Variants in CDC42BPB observed in about 807,000 individuals in gnomAD.
CDC42BPB encodes serine/threonine-protein kinase MRCK beta.
In CDC42BPB, 37 loss-of-function variants were observed where a neutral mutation model predicts 214.9. That is an observed-to-expected ratio of 0.17 (90% confidence interval 0.13 to 0.23). The LOEUF is 0.23. CDC42BPB is among the 10% of genes least tolerant of loss of function. CDC42BPB has a pLI of 1.00. For synonymous variants in CDC42BPB, 931 were observed against 884.0 expected (o/e 1.05, Z -0.94); for missense variants, 1,694 against 2,227.0 (o/e 0.76, Z 4.82).
intron 5 of CDC42BPB, among the ~76,000 whole-genome samples, chr14:102,989,535 G>A (rs535516728): frequency 2.0e-4 from 31 of 152,258 alleles, no homozygotes; most frequent in Middle Eastern, 3.4e-3. Flanking sequence ...ATAAACTATG[G>A]TAGTTACCTA....
Position 102,950,547 on chromosome 14 carries a change from T to G in CDC42BPB, c.3228A>C (p.Pro1076=). The G allele has an allele frequency of 6.2e-7, 1 of 1,611,462 alleles. No homozygotes were observed. Among genetic ancestry groups the G allele is most frequent in the Non-Finnish European group, 8.5e-7 (1 of 1,179,028 alleles). Residue 1076 remains proline (P), a synonymous_variant, in exon 25 of 37, where the codon CCA becomes CCC. Transcript: ENST00000361246. ...SCKDGAPQVC[P]IPPEQSKRPL... ...GCCTCTTGGACTGCTCGGGAGGTAT[T>G]GGGCACACCTGGGGGGCACCGTCTT...
At chr14:103,020,610 C>A (rs1886717470) in intron 1 of CDC42BPB, among the ~76,000 whole-genome samples, 1 of 152,150 alleles carries the variant, frequency 6.6e-6, no homozygotes, top group African/African-American at 2.4e-5. Flanking sequence ...GGGGCCAGAG[C>A]AGCACCCCAG....
At position 102,968,240 on chromosome 14, in the gene CDC42BPB, T is replaced by C; in HGVS notation, c.2346+13A>G. The C allele has an allele frequency of 6.3e-7, 1 of 1,598,070 alleles. No individual in the cohort carries two copies. Among genetic ancestry groups the C allele is most frequent in the South Asian group, 1.1e-5 (1 of 90,118 alleles). On this transcript the variant is annotated intron_variant, in intron 16 of 36. Coordinates refer to ENST00000361246, the MANE Select transcript of CDC42BPB (RefSeq NM_006035.4). ...CACACAAAGTGCTAACTCAGGTACTTTGAATTAATTACCTTTTCATTTTCA... is the reference window on the plus strand; with the variant it reads ...CACACAAAGTGCTAACTCAGGTACTCTGAATTAATTACCTTTTCATTTTCA...
chr14:102,993,120 G>T (rs979756182), intron 5 of CDC42BPB, among the ~76,000 whole-genome samples: 3 of 152,128 alleles, frequency 2.0e-5, no homozygotes, highest in African/African-American at 7.2e-5. Context: ...GTGAGCCACT[G>T]CACCTGGCCC....
chr14:102,973,769 C>T (rs546030854), intron 12 of CDC42BPB, among the ~76,000 whole-genome samples: 98 of 152,294 alleles, frequency 6.4e-4, no homozygotes, highest in African/African-American at 1.8e-3. Flanking sequence ...GGTGGATAAC[C>T]GCTGGGGGCA....
intron 19 of CDC42BPB, among the ~76,000 whole-genome samples, chr14:102,964,211 G>A (rs1209101005): frequency 1.3e-5 from 2 of 152,188 alleles, no homozygotes; most frequent in Admixed American, 6.5e-5. Flanking sequence ...TGTGAGTCTC[G>A]CTACCCAGCG....
intron 6 of CDC42BPB, among the ~76,000 whole-genome samples, chr14:102,985,333 C>T (rs925970293): frequency 2.8e-5 from 4 of 145,038 alleles, no homozygotes; most frequent in East Asian, 2.1e-4. Flanking sequence ...CTGGTTATAC[C>T]GTGACAGGGT....
chr14:102,942,176 G>A (rs999216209), intron 30 of CDC42BPB, among the ~76,000 whole-genome samples: 15 of 152,306 alleles, frequency 9.8e-5, no homozygotes, highest in Admixed American at 9.1e-4. Flanking sequence ...CTGAGGCAGC[G>A]GGACTGGCCC....
chr14:103,051,092 T>C (rs116930500), intron 1 of CDC42BPB, among the ~76,000 whole-genome samples: 69 of 149,736 alleles, frequency 4.6e-4, no homozygotes, highest in African/African-American at 1.6e-3. Flanking sequence ...CCAACACAGA[T>C]TGTTTAAAAT....
At chr14:103,033,731 G>A (rs953247653) in intron 1 of CDC42BPB, among the ~76,000 whole-genome samples, 2 of 152,118 alleles carry the variant, frequency 1.3e-5, no homozygotes, top group Non-Finnish European at 2.9e-5. Flanking sequence ...ATAGAGGATG[G>A]CTGAGTGACA....
chr14:102,940,169 C>T lies in CDC42BPB; in HGVS notation c.4507-39G>A, dbSNP rs373589163. On this transcript the variant is annotated intron_variant, in intron 31 of 36. Coordinates refer to ENST00000361246, the MANE Select transcript of CDC42BPB (RefSeq NM_006035.4). ...CAGGGAGGGACAGTAAGCGCGGCCA[C>T]GCACAGACTGCACCGGGAGAAGCCC... is the stretch of plus-strand genomic sequence containing the variant. The T allele has an allele frequency of 1.8e-5, 29 of 1,613,840 alleles. 1 individual carries two copies. The South Asian group carries it at 2.0e-4, about 11-fold the overall frequency.
At chr14:102,988,504 T>A (rs1389199543) in intron 5 of CDC42BPB, among the ~76,000 whole-genome samples, 1 of 152,176 alleles carries the variant, frequency 6.6e-6, no homozygotes, top group Non-Finnish European at 1.5e-5. Flanking sequence ...AAGAGTGAGC[T>A]GTGATGAGGA....
chr14:102,959,534 G>T, intron 21 of CDC42BPB, 97 bp downstream of exon 21: 3 of 770,492 alleles, frequency 3.9e-6, no homozygotes, highest in Non-Finnish European at 6.5e-6. Flanking sequence ...ATATTTACTG[G>T]TGTGTTTGTG....
At chr14:103,022,177 A>G (rs1354201793) in intron 1 of CDC42BPB, among the ~76,000 whole-genome samples, 5 of 152,130 alleles carry the variant, frequency 3.3e-5, no homozygotes, top group Non-Finnish European at 5.9e-5. Context: ...GTGCAGAGAA[A>G]GCCAGGACTT....
In CDC42BPB at chr14:102,945,648, C is replaced by T; in HGVS notation, c.3811+14G>A. 4.3e-6 allele frequency: 7 copies of T among 1,611,876 alleles called. No homozygotes were observed. The highest frequency in any genetic ancestry group is 1.1e-5 in the South Asian group (1 of 91,064). On this transcript the variant is annotated intron_variant, in intron 29 of 36. Transcript: ENST00000361246. ...CCTGTGACATCCCAGGCTGGAAACG[C>T]CCTGCTCACTCACCATCTCGGGTGA...
rs1248313561 is a variant in CDC42BPB at position 102,951,844 on chromosome 14, A to G, written c.3172+654T>C. On this transcript the variant is annotated intron_variant, in intron 24 of 36. Transcript: ENST00000361246. ...CGAATGACGACCAGAAGCAGAGACAAATAATTGTGGTTATCTTTAGATAAT... is the reference window on the plus strand; with the variant it reads ...CGAATGACGACCAGAAGCAGAGACAGATAATTGTGGTTATCTTTAGATAAT... 3.9e-5 allele frequency among the ~76,000 whole-genome samples: 6 copies of G among 152,324 alleles called. No homozygotes were observed. In the East Asian group the frequency reaches 1.2e-3, roughly 29 times the overall value.
intron 9 of CDC42BPB, among the ~76,000 whole-genome samples, chr14:102,977,176 T>A: frequency 6.6e-6 from 1 of 151,436 alleles, no homozygotes. Context: ...CTCTCTCTAC[T>A]AAAATAAAAA....
intron 1 of CDC42BPB, among the ~76,000 whole-genome samples, chr14:103,056,024 T>G (rs1888927591): frequency 6.6e-6 from 1 of 152,186 alleles, no homozygotes; most frequent in Non-Finnish European, 1.5e-5. Flanking sequence ...GCACACCCGT[T>G]AGGGAGAGAT....
At chr14:102,975,532 C>T in intron 11 of CDC42BPB, 152 bp downstream of exon 11, 2 of 811,894 alleles carry the variant, frequency 2.5e-6, no homozygotes, top group Non-Finnish European at 3.9e-6. Flanking sequence ...TAAAAAAAAA[C>T]AACTGACCAA....
Sources: gnomAD v4.1 joint callset for allele counts (sites outside exome capture counted in the v4.1 genomes callset) on GRCh38, gnomAD v4.1.1 for gene constraint, MANE v1.5 for transcripts, NCBI Gene and HGNC (gene_info 2026-07-23, HGNC 2026-07-21) for gene names.